The following GSE1 variants were observed in gnomAD, a reference collection of about 807,000 sequenced individuals.
GSE1 encodes Gse1 coiled-coil protein.
A neutral mutation model predicts 112.6 loss-of-function variants in GSE1; 32 were observed. The ratio of observed to expected loss-of-function variants is 0.28; its 90% CI spans 0.21 to 0.38. GSE1 has a LOEUF of 0.38. Among genes scored for constraint, GSE1 ranks in the 10% least tolerant of loss-of-function variants. The pLI, the probability that GSE1 is intolerant of heterozygous loss-of-function variation, is 1.00. For synonymous variants in GSE1, 1,115 were observed against 735.6 expected, an observed-to-expected ratio of 1.52 and a Z score of -8.35; for missense variants, 2,348 against 1,699.2, an observed-to-expected ratio of 1.38 and a Z score of -6.71.
chr16:85,301,811 C>G (rs747629692), intron 1 of GSE1, among the ~76,000 whole-genome samples: 26 of 152,226 alleles, frequency 1.7e-4, no homozygotes, highest in Non-Finnish European at 3.2e-4. Flanking sequence ...CCCCAGCAGT[C>G]AGATCCTGCT....
At chr16:85,197,798 G>C (rs1236126137) in intron 1 of GSE1, among the ~76,000 whole-genome samples, 1 of 152,202 alleles carries the variant, frequency 6.6e-6, no homozygotes, top group Non-Finnish European at 1.5e-5. Flanking sequence ...CCTGCACGTT[G>C]TTATAGCTGA....
At chr16:85,545,029 C>T (rs2044648789) in intron 2 of GSE1, among the ~76,000 whole-genome samples, 1 of 152,268 alleles carries the variant, frequency 6.6e-6, no homozygotes, top group African/African-American at 2.4e-5. Flanking sequence ...TGCCTTCCAA[C>T]AGCTCTTGCC....
At chr16:85,230,373 GGTTTGT>G (rs1211529267) in intron 1 of GSE1, among the ~76,000 whole-genome samples, 1 of 152,084 alleles carries the variant, frequency 6.6e-6, no homozygotes, top group East Asian at 1.9e-4. Flanking sequence ...ATATTGAAAG[GGTTTGT>G]GTTACCCACG....
chr16:85,549,671 C>T (rs1005556942), intron 2 of GSE1, among the ~76,000 whole-genome samples: 12 of 152,154 alleles, frequency 7.9e-5, no homozygotes, highest in Non-Finnish European at 2.9e-5. Flanking sequence ...GAGGTGTGAC[C>T]GCACAGAGGT....
At chr16:85,449,387 C>T (rs1321360947) in intron 2 of GSE1, among the ~76,000 whole-genome samples, 1 of 152,238 alleles carries the variant, frequency 6.6e-6, no homozygotes, top group Non-Finnish European at 1.5e-5. Context: ...CCTGGGATGG[C>T]AGCCGGCAGC....
intron 2 of GSE1, among the ~76,000 whole-genome samples, chr16:85,529,768 G>C (rs531002329): frequency 1.6e-4 from 24 of 152,314 alleles, no homozygotes; most frequent in Non-Finnish European, 2.1e-4. Context: ...TCACCGATTA[G>C]ACTGTCTAGC....
At chr16:85,502,872 G>A (rs1375285275) in intron 2 of GSE1, among the ~76,000 whole-genome samples, 2 of 152,232 alleles carry the variant, frequency 1.3e-5, no homozygotes, top group African/African-American at 2.4e-5. Context: ...AAGCAGGGGG[G>A]TGAAAAAGAG....
At position 85,478,926 on chromosome 16, in the gene GSE1, TC is replaced by T. The variant is rs1488601067; in HGVS notation, c.2464+121284del. On this transcript the variant is annotated intron_variant, in intron 2 of 2. Transcript: ENST00000637419. ...TTCTTTCTTTCTTTCTTTCTTTCTTTCTCTTTCTTTCTTTCTTTCTTTTTTT... is the reference window on the plus strand; with the variant it reads ...TTCTTTCTTTCTTTCTTTCTTTCTTTTCTTTCTTTCTTTCTTTCTTTTTTT... Among the ~76,000 whole-genome samples the T allele has an allele frequency of 6.7e-4, 27 of 40,036 alleles. 1 individual carries two copies. Among genetic ancestry groups the T allele is most frequent in the African/African-American group, 4.7e-3 (25 of 5,264 alleles). The allele number at this position is 40,036 out of a possible 152,430, so 26.3% of individuals were successfully genotyped here.
At position 85,627,044 on chromosome 16, in the gene GSE1, C is replaced by CTTTTTTTTTTTTTTTTTTTTTTTT. The variant is rs564272210; in HGVS notation, c.8-6861_8-6838dup. Among the ~76,000 whole-genome samples, 44 of 25,068 alleles carry CTTTTTTTTTTTTTTTTTTTTTTTT rather than the reference C, an allele frequency of 1.8e-3. 10 individuals are homozygous for CTTTTTTTTTTTTTTTTTTTTTTTT. The highest frequency in any genetic ancestry group is 2.5e-3 in the African/African-American group (16 of 6,382). 16.4% of individuals were successfully genotyped at this position (25,068 alleles called of 152,430 possible). On this transcript the variant is annotated intron_variant, in intron 1 of 15. Coordinates refer to ENST00000253458, the MANE Select transcript of GSE1 (RefSeq NM_014615.5). Reference sequence around the variant, plus strand: ...GGACTTTGCTTCCTTTTCTTCTTGCCTTTTTTTTTTTTTTTTTTTTTTTTT... The same window carrying CTTTTTTTTTTTTTTTTTTTTTTTT: ...GGACTTTGCTTCCTTTTCTTCTTGCCTTTTTTTTTTTTTTTTTTTTTTTTTTTTTTTTTTTTTTTTTTTTTTTTT...
chr16:85,645,177 T>C (rs2050751238), intron 2 of GSE1, among the ~76,000 whole-genome samples: 1 of 151,692 alleles, frequency 6.6e-6, no homozygotes, highest in Non-Finnish European at 1.5e-5. Flanking sequence ...GTGTGGGCAG[T>C]GGTTGGCTAG....
intron 1 of GSE1, among the ~76,000 whole-genome samples, chr16:85,187,975 G>T (rs1047225629): frequency 1.3e-5 from 2 of 152,342 alleles, no homozygotes; most frequent in Non-Finnish European, 1.5e-5. Context: ...CCCTGGCCTT[G>T]TAGCAGGACC....
intron 1 of GSE1, among the ~76,000 whole-genome samples, chr16:85,603,945 T>C (rs1325073172): frequency 6.6e-6 from 1 of 152,252 alleles, no homozygotes; most frequent in Non-Finnish European, 1.5e-5. Flanking sequence ...TTTTCTTTTT[T>C]TCTTTTTAAT....
chr16:85,427,675 T>C (rs1002051425), intron 2 of GSE1, among the ~76,000 whole-genome samples: 1 of 143,936 alleles, frequency 6.9e-6, no homozygotes, highest in African/African-American at 2.6e-5. Flanking sequence ...CTACTAAAAA[T>C]ACAAAAATTA....
chr16:85,563,162 A>C (rs1172241699), intron 1 of GSE1, among the ~76,000 whole-genome samples: 5 of 148,618 alleles, frequency 3.4e-5, no homozygotes, highest in African/African-American at 7.4e-5. Flanking sequence ...TCCACATGGT[A>C]TCCTCCTCCT....
intron 15 of GSE1, 32 bp from the exon 16 acceptor site, chr16:85,672,373 G>A: frequency 6.3e-7 from 1 of 1,576,262 alleles, no homozygotes; most frequent in East Asian, 2.3e-5. Context: ...GAGGAAACGG[G>A]TTGGTTTTGA....
chr16:85,587,181 CA>C (rs1162688929), intron 1 of GSE1, among the ~76,000 whole-genome samples: 2 of 149,066 alleles, frequency 1.3e-5, no homozygotes, highest in Non-Finnish European at 3.0e-5. Context: ...CCCCCCCCCC[CA>C]GACCAGACCC....
rs778093322 is a variant in GSE1 at position 85,672,511 on chromosome 16, G to C, written c.3626G>C (p.Arg1209Thr). Residue 1209 changes from arginine to threonine, a missense_variant, in exon 16 of 16, where the codon AGG (arginine) becomes ACG (threonine). By Grantham distance (71) the Arg-to-Thr change is moderately conservative (BLOSUM62 -1). Coordinates refer to ENST00000253458, the MANE Select transcript of GSE1 (RefSeq NM_014615.5). ...CLALPAMHWP[R>T]GYLKGYPR is the part of the protein sequence containing the mutation. ...GCCTTGCCTGCAATGCACTGGCCTA[G>C]GGGCTACCTGAAGGGATATCCCAGG... 7 of 1,611,202 alleles carry C rather than the reference G, an allele frequency of 4.3e-6. No homozygotes were observed. In the South Asian group the frequency reaches 6.6e-5, roughly 15 times the overall value.
rs374303810 is a variant in GSE1 at position 85,655,926 on chromosome 16, G to T, written c.989+9G>T. 1 of 1,591,666 alleles carries T rather than the reference G, an allele frequency of 6.3e-7. No individual in the cohort carries two copies. Among genetic ancestry groups the T allele is most frequent in the African/African-American group, 1.3e-5 (1 of 74,752 alleles). ...GGCCTCAGCGCGGAGAGGTAAGTGC[G>T]TCTCGAGCCGAGGAGCCCCTCTGCC... On this transcript the variant is annotated intron_variant, in intron 6 of 15. Coordinates refer to ENST00000253458, the MANE Select transcript of GSE1 (RefSeq NM_014615.5).
chr16:85,341,280 C>T (rs2046619063), intron 1 of GSE1, among the ~76,000 whole-genome samples: 1 of 152,110 alleles, frequency 6.6e-6, no homozygotes, highest in Admixed American at 6.6e-5. Flanking sequence ...GCCTTGACCT[C>T]CTGGCCTCAA....
Sources: gnomAD v4.1 joint callset for allele counts (sites outside exome capture counted in the v4.1 genomes callset) on GRCh38, gnomAD v4.1.1 for gene constraint, MANE v1.5 for transcripts, NCBI Gene and HGNC (gene_info 2026-07-23, HGNC 2026-07-21) for gene names.